The following SPTBN2 variants were observed in gnomAD, a reference collection of about 807,000 sequenced individuals.
SPTBN2 encodes the protein spectrin beta, non-erythrocytic 2.
A neutral mutation model predicts 284.2 loss-of-function variants in SPTBN2; 107 were observed. The ratio of observed to expected loss-of-function variants is 0.38; its 90% CI spans 0.32 to 0.44. SPTBN2 has a LOEUF of 0.44. SPTBN2 is among the 20% of genes least tolerant of loss of function. The pLI is 1.00. For synonymous variants in SPTBN2, 1,289 were observed against 1,354.8 expected (o/e 0.95, Z 1.07); for missense variants, 2,569 against 3,287.1 (o/e 0.78, Z 5.34).
At chr11:66,686,479 C>T (rs760124825) in intron 36 of SPTBN2, 39 bp from the exon 37 acceptor site, 5 of 1,610,190 alleles carry the variant, frequency 3.1e-6, no homozygotes, top group Non-Finnish European at 4.2e-6. Flanking sequence ...AGCTGAGAAT[C>T]CGGATCTGCC....
In SPTBN2 at chr11:66,700,795, C is replaced by T; in HGVS notation, c.3304G>A (p.Ala1102Thr). The change falls in exon 17 of 38, where the codon GCC (alanine) becomes ACC (threonine). Residue 1102 changes from alanine to threonine, a missense_variant. Ala to Thr is a moderately conservative substitution (Grantham distance 58, BLOSUM62 0). Coordinates refer to ENST00000533211, the MANE Select transcript of SPTBN2 (RefSeq NM_006946.4). The surrounding 1 kb of genome is among the most constrained non-coding windows in gnomAD (Gnocchi z 6.6). ...EGPATLPEAE[A>T]LLAQHAALRG... Reference sequence around the variant, plus strand: ...AGGGCTGCATGTTGGGCCAGGAGGGCCTCTGCCTCAGGCAGGGTGGCCGGC... The same window carrying T: ...AGGGCTGCATGTTGGGCCAGGAGGGTCTCTGCCTCAGGCAGGGTGGCCGGC... The T allele has an allele frequency of 6.2e-7, 1 of 1,601,260 alleles. No homozygotes were observed. The highest frequency in any genetic ancestry group is 2.2e-5 in the East Asian group (1 of 44,876).
chr11:66,705,692 G>C lies in SPTBN2; in HGVS notation c.1799C>G (p.Pro600Arg). The change falls in exon 14 of 38, where the codon CCA becomes CGA. Residue 600 changes from proline (P) to arginine (R), a missense_variant. By Grantham distance (103) the Pro-to-Arg change is moderately radical (BLOSUM62 -2). Around this residue, in one of 6 missense-constraint regions of SPTBN2, gnomAD observed 1,012 missense variants for 1,248.9 expected, o/e 0.81. Transcript: ENST00000533211. ...CTTCGCTGACTTCTCACCTTTCCCT[G>C]GGTTGCAGAAGCGCAGGGCAGAGGC... is the stretch of plus-strand genomic sequence containing the variant. ...VSASALRFCN[P>R]GKEYRPCDPQ... 1 of 1,611,680 alleles carries C rather than the reference G, an allele frequency of 6.2e-7. No individual in the cohort carries two copies. The highest frequency in any genetic ancestry group is 8.5e-7 in the Non-Finnish European group (1 of 1,179,986).
In SPTBN2 at chr11:66,700,582, C is replaced by T. The variant is rs372841640; in HGVS notation, c.3517G>A (p.Gly1173Ser). 45 of 1,607,718 alleles carry T rather than the reference C, an allele frequency of 2.8e-5. No homozygotes were observed. Among genetic ancestry groups the T allele is most frequent in the Middle Eastern group, 1.7e-4 (1 of 6,014 alleles). The change falls in exon 17 of 38, where the codon GGC (glycine) becomes AGC (serine). Residue 1173 changes from glycine (G) to serine (S), a missense_variant. Physicochemically the swap from Gly to Ser is moderately conservative, Grantham distance 56. Coordinates refer to ENST00000533211, the MANE Select transcript of SPTBN2 (RefSeq NM_006946.4). The surrounding 1 kb of genome is among the most constrained non-coding windows in gnomAD (Gnocchi z 6.6). ...GCATCCCGCAGGAATCCCTGGAAGC[C>T]GTGGGCCTGGGCCAGGCGACCTTGC... ...SRQGRLAQAH[G>S]FQGFLRDARQ...
intron 1 of SPTBN2, chr11:66,728,082 A>ACCCCGC (rs1942693099): frequency 1.4e-5 from 2 of 142,290 alleles, no homozygotes; most frequent in African/African-American, 5.2e-5. Context: ...CCCGACCCCG[A>ACCCCGC]CCCCGCCGAC....
intron 1 of SPTBN2, among the ~76,000 whole-genome samples, chr11:66,735,760 T>G (rs1942847604): frequency 6.6e-6 from 1 of 152,188 alleles, no homozygotes; most frequent in Non-Finnish European, 1.5e-5. Context: ...CATTATTTAT[T>G]TTTTTTAATC....
Position 66,704,910 on chromosome 11 carries a change from T to C in SPTBN2, c.2366A>G (p.His789Arg). Residue 789 changes from histidine to arginine, a missense_variant, in exon 15 of 38, where the codon CAT becomes CGT. His to Arg is a conservative substitution (Grantham distance 29, BLOSUM62 0). Coordinates refer to ENST00000533211, the MANE Select transcript of SPTBN2 (RefSeq NM_006946.4). ...EFSTQALARQ[H>R]RALEEEIRSH... ...TCGAATCTCCTCCTCCAGGGCCCGA[T>C]GCTGCCTGGCTAGAGCCTGCGTGGA... is the stretch of plus-strand genomic sequence containing the variant. 1 of 1,611,736 alleles carries C rather than the reference T, an allele frequency of 6.2e-7. No homozygotes were observed. Among genetic ancestry groups the C allele is most frequent in the Non-Finnish European group, 8.5e-7 (1 of 1,179,898 alleles).
rs1344427932 is a variant in SPTBN2, at chr11:66,689,387, G to A, written c.5950-207C>T. On this transcript the variant is annotated intron_variant, in intron 29 of 37. Coordinates refer to ENST00000533211, the MANE Select transcript of SPTBN2 (RefSeq NM_006946.4). ...CCTCCCAGGTTCAAGCAATTCTCCT[G>A]CCTCAGCCTCCGAGTAGCTGGGATT... The A allele has an allele frequency of 1.2e-4, 72 of 582,962 alleles. No individual in the cohort carries two copies. The East Asian group carries it at 2.2e-3, about 18-fold the overall frequency. 36.1% of individuals were successfully genotyped at this position (582,962 alleles called of 1,614,324 possible). A position where few individuals can be genotyped will look rare whatever the true frequency, so the allele number is the denominator to read the frequency against.
At position 66,687,824 on chromosome 11, in the gene SPTBN2, C is replaced by T. The variant is rs779070721; in HGVS notation, c.6501+44G>A. 21 of 1,613,512 alleles carry T rather than the reference C, an allele frequency of 1.3e-5. No individual in the cohort carries two copies. The Admixed American group carries it at 3.5e-4, about 27-fold the overall frequency. On this transcript the variant is annotated intron_variant, in intron 34 of 37. Transcript: ENST00000533211. This position sits in a 1 kb window ranked among gnomAD's most constrained non-coding sequence, Gnocchi z 5.2. ...CCGCACTCACCACCCCCTCTGGACC[C>T]TTCGCCTCACAGTTATCAACACCAC...
chr11:66,743,564 G>A (rs1256203586), intron 1 of SPTBN2, among the ~76,000 whole-genome samples: 1 of 152,174 alleles, frequency 6.6e-6, no homozygotes, highest in Non-Finnish European at 1.5e-5. Context: ...AGCAGTTATA[G>A]GCTTAAGCCC....
chr11:66,704,651 G>C lies in SPTBN2; in HGVS notation c.2625C>G (p.Leu875=). ...GLWVEEKEQW[L]NGLALPERLE... is the part of the protein sequence containing the mutation. ...GGCGTTCAGGCAGGGCCAGCCCGTT[G>C]AGCCACTGCTCCTTCTCCTCCACCC... The change falls in exon 15 of 38, where the codon CTC becomes CTG. Residue 875 remains leucine (L), a synonymous_variant. Coordinates refer to ENST00000533211, the MANE Select transcript of SPTBN2 (RefSeq NM_006946.4). 6.2e-7 allele frequency: 1 copy of C among 1,612,084 alleles called. No homozygotes were observed. Among genetic ancestry groups the C allele is most frequent in the Non-Finnish European group, 8.5e-7 (1 of 1,179,648 alleles).
At chr11:66,714,027 T>C (rs1942016331) in intron 7 of SPTBN2, 64 bp downstream of exon 7, 1 of 1,520,424 alleles carries the variant, frequency 6.6e-7, no homozygotes, top group Non-Finnish European at 9.1e-7. Flanking sequence ...TGTCTCCACA[T>C]GTGCACCCCA....
chr11:66,719,227 G>C (rs577581002), intron 3 of SPTBN2, among the ~76,000 whole-genome samples: 13 of 152,360 alleles, frequency 8.5e-5, no homozygotes, highest in Admixed American at 8.5e-4. Context: ...TGTGAAACGA[G>C]GGCTGTTACC....
Position 66,710,850 on chromosome 11 carries a change from A to T in SPTBN2, c.885+67T>A. On this transcript the variant is annotated intron_variant, in intron 9 of 37. Transcript: ENST00000533211. The surrounding 1 kb of genome is among the most constrained non-coding windows in gnomAD (Gnocchi z 4.9). ...TCCTGCAGCTCCACCCTGCCCTTGC[A>T]CTAGGGCAGTAAGACCCCTCAGCCG... 2 of 1,602,676 alleles carry T rather than the reference A, an allele frequency of 1.2e-6. No homozygotes were observed. The highest frequency in any genetic ancestry group is 1.7e-6 in the Non-Finnish European group (2 of 1,170,022).
chr11:66,708,959 G>A lies in SPTBN2; in HGVS notation c.1134C>T (p.Ala378=), dbSNP rs1941713814. The A allele has an allele frequency of 6.2e-6, 10 of 1,613,902 alleles. No individual in the cohort carries two copies. Among genetic ancestry groups the A allele is most frequent in the Non-Finnish European group, 7.6e-6 (9 of 1,179,938 alleles). The change falls in exon 11 of 38, where the codon GCC becomes GCT. Residue 378 remains alanine (A), a synonymous_variant. Coordinates refer to ENST00000533211, the MANE Select transcript of SPTBN2 (RefSeq NM_006946.4). The surrounding 1 kb of genome is among the most constrained non-coding windows in gnomAD (Gnocchi z 4.4). The part of the protein sequence containing the change: ...LLFTIQSKLR[A]NNQKVYTPRE... The stretch of plus-strand genomic sequence containing the variant: ...GGGGCGTGTAGACCTTCTGGTTGTT[G>A]GCCCGAAGCTTGCTCTGGATGGTGA...
intron 1 of SPTBN2, among the ~76,000 whole-genome samples, chr11:66,741,097 AC>A (rs368266687): frequency 1.1e-4 from 16 of 152,188 alleles, no homozygotes; most frequent in African/African-American, 1.7e-4. Context: ...TTTGGAATAA[AC>A]AAGATATCCA....
At position 66,688,696 on chromosome 11, in the gene SPTBN2, ACTG is replaced by A. The variant is rs1193627760; in HGVS notation, c.6185_6187del (p.Ala2062del). 7 of 1,613,906 alleles carry A rather than the reference ACTG, an allele frequency of 4.3e-6. No homozygotes were observed. Among genetic ancestry groups the A allele is most frequent in the Non-Finnish European group, 5.9e-6 (7 of 1,180,032 alleles). ...CGCACAGAATCGCTCCTCCCAGGCC[ACTG>A]CTGACTTCTGGAAGGCCTCGTGCCG... On this transcript the variant is annotated inframe_deletion, in exon 31 of 38. Transcript: ENST00000533211.
At chr11:66,724,734 G>A (rs974613336) in intron 1 of SPTBN2, among the ~76,000 whole-genome samples, 7 of 152,202 alleles carry the variant, frequency 4.6e-5, no homozygotes, top group African/African-American at 1.7e-4. Context: ...GTCAGGTTCA[G>A]CTTCATGGAA....
intron 1 of SPTBN2, among the ~76,000 whole-genome samples, chr11:66,739,939 GGA>G (rs1404662469): frequency 6.6e-6 from 1 of 152,184 alleles, no homozygotes; most frequent in Non-Finnish European, 1.5e-5. Flanking sequence ...GGCTGAGGCA[GGA>G]GAATAGCTTG....
chr11:66,732,124 A>G (rs1942817799), upstream of SPTBN2, among the ~76,000 whole-genome samples: 1 of 152,266 alleles, frequency 6.6e-6, no homozygotes, highest in Admixed American at 6.5e-5. Flanking sequence ...TACTTTACAC[A>G]TAACATTTCA....
Sources: allele counts gnomAD v4.1 joint callset (sites outside exome capture counted in the v4.1 genomes callset), GRCh38; gene constraint gnomAD v4.1.1; regional missense constraint gnomAD v4.1.1; non-coding constraint Gnocchi (gnomAD v3.1); transcripts MANE v1.5; gene names NCBI Gene and HGNC (gene_info 2026-07-23, HGNC 2026-07-21).